TRAPPC13: variants seen among roughly 807,000 people sequenced by gnomAD.
The protein encoded by TRAPPC13 is REV7-interacting novel NHEJ regulator 1.
Under a neutral mutation model 54.0 loss-of-function variants are expected in TRAPPC13, and 39 were observed. That is an observed-to-expected ratio of 0.72 (90% CI 0.56 to 0.94). The LOEUF is 0.94. Among genes scored for constraint, TRAPPC13 ranks in the 40% least tolerant of loss-of-function variants. The pLI is 0.00. For missense variants in TRAPPC13, 386 were observed against 488.1 expected (o/e 0.79, Z 1.97); for synonymous variants, 148 against 167.7 (o/e 0.88, Z 0.91).
chr5:65,659,967 CAAA>C (rs141876171), intron 9 of TRAPPC13, among the ~76,000 whole-genome samples: 1,817 of 95,342 alleles, frequency 0.019, 22 homozygotes, highest in African/African-American at 0.062. Flanking sequence ...GTATTTTAAA[CAAA>C]AAAAAAAAAA....
intron 11 of TRAPPC13, 181 bp downstream of exon 11, chr5:65,662,331 G>T: frequency 6.4e-6 from 3 of 471,090 alleles, no homozygotes; most frequent in South Asian, 3.6e-5. Flanking sequence ...TATTTTTAAG[G>T]GCCTATTGTA....
chr5:65,630,485 T>A (rs575775363), intron 1 of TRAPPC13: 88 of 1,380,946 alleles, frequency 6.4e-5, no homozygotes, highest in Admixed American at 5.3e-4. Context: ...ATTGCTGAGT[T>A]CTGCTTATTG....
In TRAPPC13 at chr5:65,662,155, T is replaced by C; in HGVS notation, c.998+5T>C. Reference sequence around the variant, plus strand: ...CTGTAAAATAACAAACTGCAGGTAATGCCACTGTTTGTAGATGGATGTCCT... The same window carrying C: ...CTGTAAAATAACAAACTGCAGGTAACGCCACTGTTTGTAGATGGATGTCCT... On this transcript the variant is annotated splice_donor_5th_base_variant and intron_variant, in intron 11 of 12. Transcript: ENST00000399438. 2.5e-6 allele frequency: 4 copies of C among 1,588,204 alleles called. No individual in the cohort carries two copies. The highest frequency in any genetic ancestry group is 3.4e-6 in the Non-Finnish European group (4 of 1,164,564).
rs2150697614 is a variant in TRAPPC13 at position 65,665,544 on chromosome 5, T to A, written c.*933T>A. 6.6e-6 allele frequency: 1 copy of A among 152,300 alleles called. No homozygotes were observed. Among genetic ancestry groups the A allele is most frequent in the East Asian group, 1.9e-4 (1 of 5,184 alleles). 9.4% of individuals were successfully genotyped at this position (152,300 alleles called of 1,614,324 possible). On this transcript the variant is annotated 3_prime_UTR_variant, in exon 13 of 13. Transcript: ENST00000399438. ...TTTTTAGGTTGTTGATTTTTTTTAA[T>A]TAACTATTAACTAAGAATAATACTT...
intron 7 of TRAPPC13, 145 bp from the exon 8 acceptor site, chr5:65,655,491 C>T: frequency 3.8e-6 from 1 of 266,614 alleles, no homozygotes; most frequent in Non-Finnish European, 7.0e-6. Context: ...CTTTATGTTG[C>T]TTCCTGTTTA....
At chr5:65,650,951 C>A in intron 6 of TRAPPC13, 69 bp downstream of exon 6, 1 of 1,130,924 alleles carries the variant, frequency 8.8e-7, no homozygotes. Flanking sequence ...CAGTTATTCC[C>A]GTTTATCTGC....
chr5:65,626,942 C>T (rs189052647), intron 1 of TRAPPC13, among the ~76,000 whole-genome samples: 38 of 151,808 alleles, frequency 2.5e-4, no homozygotes, highest in Non-Finnish European at 4.6e-4. Context: ...GGAGTTGACA[C>T]CAGCCTGGCC....
intron 4 of TRAPPC13, among the ~76,000 whole-genome samples, chr5:65,645,531 G>A (rs371348370): frequency 7.9e-5 from 12 of 152,166 alleles, no homozygotes; most frequent in East Asian, 5.8e-4. Flanking sequence ...TTAGCAGGGC[G>A]CGGTGGCTAA....
intron 10 of TRAPPC13, chr5:65,661,119 GTTCT>G (rs1325154470): frequency 4.5e-5 from 18 of 403,210 alleles, no homozygotes; most frequent in Admixed American, 1.3e-4. Context: ...TAATACACGT[GTTCT>G]TTATCACACA....
At chr5:65,664,146 A>T in intron 11 of TRAPPC13, 91 bp from the exon 12 acceptor site, 1 of 1,330,730 alleles carries the variant, frequency 7.5e-7, no homozygotes, top group African/African-American at 1.5e-5. Context: ...GGATATGGAG[A>T]AAACAAGTTT....
intron 10 of TRAPPC13, chr5:65,661,806 T>G (rs1756860649): frequency 2.9e-6 from 1 of 340,366 alleles, no homozygotes. Context: ...GAGATTCATC[T>G]TAACTCTACT....
At chr5:65,658,695 CTTGT>C (rs1341521081) in intron 9 of TRAPPC13, among the ~76,000 whole-genome samples, 194 bp downstream of exon 9, 1 of 138,658 alleles carries the variant, frequency 7.2e-6, no homozygotes, top group African/African-American at 2.5e-5. Context: ...TTATTTACGT[CTTGT>C]TTTTTATTTT....
intron 4 of TRAPPC13, among the ~76,000 whole-genome samples, chr5:65,645,676 T>C (rs1338379264): frequency 1.3e-5 from 2 of 151,664 alleles, no homozygotes; most frequent in African/African-American, 4.8e-5. Flanking sequence ...TGGTGGTGCA[T>C]GCCTGTAATC....
Position 65,665,224 on chromosome 5 carries a change from T to A in TRAPPC13, c.*613T>A, listed in dbSNP as rs1037995062. 6.6e-6 allele frequency: 1 copy of A among 152,336 alleles called. No homozygotes were observed. The highest frequency in any genetic ancestry group is 6.5e-5 in the Admixed American group (1 of 15,280). 9.4% of individuals were successfully genotyped at this position (152,336 alleles called of 1,614,324 possible). ...AAGAGGCAGCTGGGCAGATTTGGCC[T>A]GCAGGGTATAGTTGGCTGACCTCAA... On this transcript the variant is annotated 3_prime_UTR_variant, in exon 13 of 13. Transcript: ENST00000399438.
chr5:65,630,568 T>C, intron 1 of TRAPPC13: 1 of 1,184,414 alleles, frequency 8.4e-7, no homozygotes. Flanking sequence ...GTTCCTTTTG[T>C]TACAAACTGT....
At chr5:65,662,272 TTGA>T in intron 11 of TRAPPC13, 122 bp downstream of exon 11, 1 of 615,022 alleles carries the variant, frequency 1.6e-6, no homozygotes, top group Non-Finnish European at 2.7e-6. Context: ...TTCTCTGATG[TTGA>T]TATTGAGTAC....
chr5:65,659,583 G>T (rs1237529262), intron 9 of TRAPPC13, among the ~76,000 whole-genome samples: 1 of 152,186 alleles, frequency 6.6e-6, no homozygotes, highest in East Asian at 1.9e-4. Context: ...AAAAGAAAAG[G>T]ACATAGGAAT....
intron 10 of TRAPPC13, 185 bp from the exon 11 acceptor site, chr5:65,661,865 T>G: frequency 2.1e-6 from 1 of 484,662 alleles, no homozygotes; most frequent in Non-Finnish European, 3.6e-6. Context: ...TGCCAGGCTA[T>G]TCCACAGGCA....
At chr5:65,630,492 A>G in intron 1 of TRAPPC13, 9 of 1,351,044 alleles carry the variant, frequency 6.7e-6, no homozygotes, top group Non-Finnish European at 8.5e-6. Context: ...AGTTCTGCTT[A>G]TTGGCAGCCT....
Sources: gnomAD v4.1 joint callset for allele counts (sites outside exome capture counted in the v4.1 genomes callset) on GRCh38, gnomAD v4.1.1 for gene constraint, MANE v1.5 for transcripts, NCBI Gene and HGNC (gene_info 2026-07-23, HGNC 2026-07-21) for gene names.